CACHD1: variants seen among roughly 807,000 people sequenced by gnomAD.
CACHD1 encodes VWFA and cache domain-containing protein 1.
CACHD1 carries 71 observed loss-of-function variants against 138.7 expected under a neutral mutation model. The ratio of observed to expected loss-of-function variants is 0.51; its 90% CI spans 0.42 to 0.62. The LOEUF (loss-of-function observed/expected upper bound fraction) is 0.62, where lower values mean the gene tolerates loss of function less well. Ranked by LOEUF, CACHD1 falls within the 20% of genes least tolerant of loss-of-function variation. The probability of loss-of-function intolerance (pLI) is 0.00; values close to 1 mark genes in which losing one functional copy is unlikely to be tolerated. For synonymous variants in CACHD1, 578 were observed against 591.5 expected (o/e 0.98, Z 0.33); for missense variants, 1,389 against 1,625.3 (o/e 0.85, Z 2.50).
chr1:64,680,506 G>A (rs1418275726), intron 24 of CACHD1, among the ~76,000 whole-genome samples: 1 of 151,658 alleles, frequency 6.6e-6, no homozygotes, highest in Non-Finnish European at 1.5e-5. Context: ...AAAAGTCATC[G>A]AAGCCAAGTA....
intron 4 of CACHD1, among the ~76,000 whole-genome samples, chr1:64,621,045 T>C (rs1647896020): frequency 6.6e-6 from 1 of 152,210 alleles, no homozygotes; most frequent in Admixed American, 6.5e-5. Flanking sequence ...AATTATTAGA[T>C]ATCATTCCTG....
At chr1:64,471,124 C>T (rs992694799) in intron 1 of CACHD1, among the ~76,000 whole-genome samples, 182 bp downstream of exon 1, 4 of 152,182 alleles carry the variant, frequency 2.6e-5, no homozygotes, top group African/African-American at 7.2e-5. Flanking sequence ...ACTCTTCTTC[C>T]ATGCATTCGT....
Position 64,691,465 on chromosome 1 carries a change from C to T in CACHD1, c.3729C>T (p.His1243=), listed in dbSNP as rs771903605. The part of the protein sequence containing the change: ...TPPQTAALLS[H]KFHHYRSHHP... ...CTCAGACTGCTGCCCTACTAAGTCA[C>T]AAGTTCCACCACTACCGGTCACACC... Residue 1243 remains histidine (H), a synonymous_variant, in exon 27 of 27, where the codon CAC becomes CAT. Transcript: ENST00000651257. 5.0e-6 allele frequency: 8 copies of T among 1,614,014 alleles called. No homozygotes were observed. Among genetic ancestry groups the T allele is most frequent in the Non-Finnish European group, 6.8e-6 (8 of 1,180,024 alleles).
chr1:64,576,245 G>A (rs1646966439), intron 2 of CACHD1, among the ~76,000 whole-genome samples: 1 of 152,188 alleles, frequency 6.6e-6, no homozygotes. Flanking sequence ...GAGGATTGTG[G>A]GTCCACCTGT....
chr1:64,494,065 G>C (rs1430399994), intron 1 of CACHD1, among the ~76,000 whole-genome samples: 1 of 152,188 alleles, frequency 6.6e-6, no homozygotes, highest in Non-Finnish European at 1.5e-5. Flanking sequence ...GCCAGCGTTG[G>C]AATGTGGAGA....
rs116522640 is a variant in CACHD1 at position 64,573,459 on chromosome 1, A to G, written c.262-8697A>G. Among the ~76,000 whole-genome samples the G allele has an allele frequency of 4.7e-3, 709 of 152,338 alleles. 2 individuals are homozygous for G. Among genetic ancestry groups the G allele is most frequent in the African/African-American group, 0.016 (681 of 41,586 alleles). ...TATGCCACTGTATAGTATTTGTAGA[A>G]TAGTTGGAGCTAAGACAGCAAGACT... On this transcript the variant is annotated intron_variant, in intron 2 of 26. Coordinates refer to ENST00000651257, the MANE Select transcript of CACHD1 (RefSeq NM_020925.4).
At position 64,494,478 on chromosome 1, in the gene CACHD1, G is replaced by A. The variant is rs770235917; in HGVS notation, c.198+23536G>A. Among the ~76,000 whole-genome samples, 114 of 152,248 alleles carry A rather than the reference G, an allele frequency of 7.5e-4. 1 individual carries two copies. The Middle Eastern group carries it at 0.017, about 23-fold the overall frequency. ...TTATTTATATAGGATAGCAATTCTC[G>A]AGCTCCCCAACAACATCCCAAAGCT... On this transcript the variant is annotated intron_variant, in intron 1 of 26. Transcript: ENST00000651257.
chr1:64,658,670 T>A, intron 12 of CACHD1, 35 bp from the exon 13 acceptor site: 3 of 1,555,948 alleles, frequency 1.9e-6, no homozygotes, highest in Non-Finnish European at 2.6e-6. Flanking sequence ...GAACCCTCAT[T>A]TTCTAGGTCA....
intron 3 of CACHD1, among the ~76,000 whole-genome samples, chr1:64,597,993 G>A (rs1342520914): frequency 6.6e-6 from 1 of 152,120 alleles, no homozygotes; most frequent in Non-Finnish European, 1.5e-5. Flanking sequence ...TTTCTCAAAG[G>A]CATATGGGCA....
At chr1:64,525,440 G>A (rs1189229271) in intron 1 of CACHD1, among the ~76,000 whole-genome samples, 1 of 152,158 alleles carries the variant, frequency 6.6e-6, no homozygotes, top group Non-Finnish European at 1.5e-5. Flanking sequence ...CATATTAGAT[G>A]CTCTGAAAAA....
intron 16 of CACHD1, among the ~76,000 whole-genome samples, chr1:64,670,841 C>G (rs1649788648): frequency 6.6e-6 from 1 of 152,158 alleles, no homozygotes; most frequent in Non-Finnish European, 1.5e-5. Context: ...GGTGAAACAG[C>G]ATTCCATAAG....
chr1:64,681,112 G>A lies in CACHD1; in HGVS notation c.3407-146G>A, dbSNP rs1057225659. On this transcript the variant is annotated intron_variant, in intron 24 of 26. Transcript: ENST00000651257. Reference sequence around the variant, plus strand: ...TCCCTCCTCCTTTAAAAAAACATGGGGCATCAGTTCATTCCCTTCTAAGAT... The same window carrying A: ...TCCCTCCTCCTTTAAAAAAACATGGAGCATCAGTTCATTCCCTTCTAAGAT... 3 of 483,184 alleles carry A rather than the reference G, an allele frequency of 6.2e-6. No individual in the cohort carries two copies. In the Admixed American group the frequency reaches 1.1e-4, roughly 18 times the overall value. The allele number at this position is 483,184 out of a possible 1,614,324, so 29.9% of individuals were successfully genotyped here.
intron 2 of CACHD1, among the ~76,000 whole-genome samples, chr1:64,563,070 C>T (rs1308245760): frequency 6.6e-6 from 1 of 152,144 alleles, no homozygotes; most frequent in African/African-American, 2.4e-5. Flanking sequence ...CTGCTCAAAA[C>T]TCAGCTCAGT....
rs554021517 is a variant in CACHD1 at position 64,470,893 on chromosome 1, G to A, written c.149G>A (p.Ser50Asn). Residue 50 changes from serine to asparagine, a missense_variant, in exon 1 of 27, where the codon AGC (serine) becomes AAC (asparagine). By Grantham distance (46) the Ser-to-Asn change is conservative. Transcript: ENST00000651257. This position sits in a 1 kb window ranked among gnomAD's most constrained non-coding sequence, Gnocchi z 5.2. Reference sequence around the variant, plus strand: ...CTGGACGAGGCGCAAGTGCTGGCGAGCCAGATGCGGAGGCTGGCGGCCGAG... The same window carrying A: ...CTGGACGAGGCGCAAGTGCTGGCGAACCAGATGCGGAGGCTGGCGGCCGAG... Reference protein sequence around the residue: ...SILDEAQVLASQMRRLAAEEL... With the variant: ...SILDEAQVLANQMRRLAAEEL... The A allele has an allele frequency of 1.9e-6, 3 of 1,609,188 alleles. No homozygotes were observed. The highest frequency in any genetic ancestry group is 2.7e-5 in the African/African-American group (2 of 74,988).
intron 1 of CACHD1, among the ~76,000 whole-genome samples, chr1:64,474,937 G>A (rs909580452): frequency 6.6e-6 from 1 of 152,202 alleles, no homozygotes; most frequent in Admixed American, 6.5e-5. Context: ...AGGGAGGGAG[G>A]AGCAGGGTTT....
chr1:64,497,949 AAC>A (rs1646314724), intron 1 of CACHD1, among the ~76,000 whole-genome samples: 1 of 152,134 alleles, frequency 6.6e-6, no homozygotes, highest in African/African-American at 2.4e-5. Context: ...AACATGGTGA[AAC>A]CCTGTCTCTA....
chr1:64,649,912 T>C (rs115015609), intron 9 of CACHD1, among the ~76,000 whole-genome samples: 2,437 of 152,284 alleles, frequency 0.016, 31 homozygotes, highest in Non-Finnish European at 0.023. Context: ...CATCTTTGTG[T>C]TTTCAGTCCC....
At chr1:64,504,152 C>T (rs979013357) in intron 1 of CACHD1, among the ~76,000 whole-genome samples, 2 of 152,170 alleles carry the variant, frequency 1.3e-5, no homozygotes, top group African/African-American at 4.8e-5. Flanking sequence ...CCTCAGGCTC[C>T]CAAGTAGCTA....
chr1:64,582,751 A>G (rs923629794), intron 3 of CACHD1, among the ~76,000 whole-genome samples: 1 of 152,180 alleles, frequency 6.6e-6, no homozygotes, highest in Non-Finnish European at 1.5e-5. Flanking sequence ...TTCAGATCAT[A>G]TTGAAACAGG....
Sources: allele counts gnomAD v4.1 joint callset (sites outside exome capture counted in the v4.1 genomes callset), GRCh38; gene constraint gnomAD v4.1.1; non-coding constraint Gnocchi (gnomAD v3.1); transcripts MANE v1.5; gene names NCBI Gene and HGNC (gene_info 2026-07-23, HGNC 2026-07-21).